Variants in PPP1R15B observed in about 807,000 individuals in gnomAD.
The protein encoded by PPP1R15B is protein phosphatase 1, regulatory (inhibitor) subunit 15B.
A neutral mutation model predicts 53.9 loss-of-function variants in PPP1R15B; 31 were observed. That is an observed-to-expected ratio of 0.58 (90% confidence interval 0.43 to 0.78). The LOEUF is 0.78. PPP1R15B is among the 30% of genes least tolerant of loss of function. PPP1R15B has a pLI of 0.00. For missense variants in PPP1R15B, 928 were observed against 849.6 expected, an observed-to-expected ratio of 1.09 and a Z score of -1.15; for synonymous variants, 345 against 329.1, an observed-to-expected ratio of 1.05 and a Z score of -0.52.
chr1:204,408,165 G>C (rs138790212), intron 1 of PPP1R15B, among the ~76,000 whole-genome samples: 1 of 152,308 alleles, frequency 6.6e-6, no homozygotes, highest in East Asian at 1.9e-4. Context: ...TTGAGGCCAT[G>C]AGAGTCAAGC....
chr1:204,403,840 T>C lies in PPP1R15B; in HGVS notation c.*2252A>G, dbSNP rs1221683290. ...AACTTTAAAATAGTCCTTTCTGTCC[T>C]TCTTATCACCTTCTGATCACTTCTT... On this transcript the variant is annotated 3_prime_UTR_variant, in exon 2 of 2. Transcript: ENST00000367188. The C allele has an allele frequency of 1.4e-5, 14 of 985,716 alleles. No individual in the cohort carries two copies. The highest frequency in any genetic ancestry group is 1.7e-5 in the Non-Finnish European group (14 of 829,930). 61.1% of individuals were successfully genotyped at this position (985,716 alleles called of 1,614,324 possible). A position where few individuals can be genotyped will look rare whatever the true frequency, so the allele number is the denominator to read the frequency against.
rs555377639 is a variant in PPP1R15B at position 204,409,681 on chromosome 1, T to C, written c.1731A>G (p.Thr577=). ...GACAGCCTTTCTCATTTTCCCCTGA[T>C]GTTTGAAAAGGAGCCTTAAAATTTA... ...NPLNFKAPFQ[T]SGENEKGCRD... The change falls in exon 1 of 2, where the codon ACA becomes ACG. Residue 577 remains threonine, a synonymous_variant. Coordinates refer to ENST00000367188, the MANE Select transcript of PPP1R15B (RefSeq NM_032833.5). The C allele has an allele frequency of 1.9e-6, 3 of 1,614,066 alleles. No homozygotes were observed. The African/African-American group carries it at 4.0e-5, about 22-fold the overall frequency.
At chr1:204,398,724 A>T (rs1674127921), downstream of PPP1R15B, among the ~76,000 whole-genome samples, 1 of 152,150 alleles carries the variant, frequency 6.6e-6, no homozygotes, top group Non-Finnish European at 1.5e-5. Flanking sequence ...ATGGAAGATA[A>T]CGCCATCTGG....
chr1:204,406,182 T>A lies in PPP1R15B; in HGVS notation c.2052A>T (p.Gly684=). The change falls in exon 2 of 2, where the codon GGA becomes GGT. Residue 684 remains glycine, a synonymous_variant. Transcript: ENST00000367188. ...KRIQETEDAI[G]YCLTFEHRER... ...CTCTGTGTTCAAATGTCAAGCAATA[T>A]CCAATAGCATCTTCTGTTTCTTGAA... 2 of 1,614,164 alleles carry A rather than the reference T, an allele frequency of 1.2e-6. No homozygotes were observed. The highest frequency in any genetic ancestry group is 1.7e-6 in the Non-Finnish European group (2 of 1,180,000).
In PPP1R15B at chr1:204,409,544, A is replaced by G. The variant is rs188612549; in HGVS notation, c.1868T>C (p.Val623Ala). The change falls in exon 1 of 2, where the codon GTA becomes GCA. Residue 623 changes from valine to alanine, a missense_variant. By Grantham distance (64) the Val-to-Ala change is moderately conservative. Coordinates refer to ENST00000367188, the MANE Select transcript of PPP1R15B (RefSeq NM_032833.5). ...TCCTCCAGAAAGAACGTCACGCTGT[A>G]CCGAGTCTGGACATTCACTTTCTTG... The part of the protein sequence containing the change: ...GSQESECPDS[V>A]QRDVLSGGRH... 45 of 1,614,162 alleles carry G rather than the reference A, an allele frequency of 2.8e-5. No homozygotes were observed. In the East Asian group the frequency reaches 6.9e-4, roughly 25 times the overall value.
Position 204,410,101 on chromosome 1 carries a change from C to T in PPP1R15B, c.1311G>A (p.Leu437=), listed in dbSNP as rs1674339140. The change falls in exon 1 of 2, where the codon CTG becomes CTA. Residue 437 remains leucine (L), a synonymous_variant. Transcript: ENST00000367188. The part of the protein sequence containing the change: ...DYILGGASSD[L]ETSSDPEGED... ...CACCTTCTGGATCAGAACTTGTTTC[C>T]AGGTCACTGGATGCACCTCCCAAAA... is the stretch of plus-strand genomic sequence containing the variant. 2 of 1,614,010 alleles carry T rather than the reference C, an allele frequency of 1.2e-6. No individual in the cohort carries two copies. The highest frequency in any genetic ancestry group is 1.3e-5 in the African/African-American group (1 of 74,920).
Position 204,404,616 on chromosome 1 carries a change from G to C in PPP1R15B, c.*1476C>G, listed in dbSNP as rs948951779. On this transcript the variant is annotated 3_prime_UTR_variant, in exon 2 of 2. Coordinates refer to ENST00000367188, the MANE Select transcript of PPP1R15B (RefSeq NM_032833.5). ...ACAGTGGAGGCAGTTCTTAGAACTGGATAGAAATAAAATAATGACCAGGTA... is the reference window on the plus strand; with the variant it reads ...ACAGTGGAGGCAGTTCTTAGAACTGCATAGAAATAAAATAATGACCAGGTA... 1 of 985,036 alleles carries C rather than the reference G, an allele frequency of 1.0e-6. No homozygotes were observed. The highest frequency in any genetic ancestry group is 1.2e-6 in the Non-Finnish European group (1 of 829,230). The allele number at this position is 985,036 out of a possible 1,614,324, so 61.0% of individuals were successfully genotyped here.
Position 204,411,344 on chromosome 1 carries a change from G to A in PPP1R15B, c.68C>T (p.Pro23Leu), listed in dbSNP as rs531959892. The A allele has an allele frequency of 6.2e-6, 10 of 1,614,072 alleles. No individual in the cohort carries two copies. The highest frequency in any genetic ancestry group is 4.0e-5 in the African/African-American group (3 of 75,076). ...GPRAGFRFWPPFFPRRSQAGS... is the reference protein window; with the variant it reads ...GPRAGFRFWPLFFPRRSQAGS... Reference sequence around the variant, plus strand: ...TGCTTGCGATCGCCGAGGGAAAAAGGGTGGCCAGAACCGGAAGCCCGCCCG... The same window carrying A: ...TGCTTGCGATCGCCGAGGGAAAAAGAGTGGCCAGAACCGGAAGCCCGCCCG... Residue 23 changes from proline to leucine, a missense_variant, in exon 1 of 2, where the codon CCC becomes CTC. Physicochemically the swap from Pro to Leu is moderately conservative, Grantham distance 98 (BLOSUM62 -3). Coordinates refer to ENST00000367188, the MANE Select transcript of PPP1R15B (RefSeq NM_032833.5).
Position 204,411,457 on chromosome 1 carries a change from G to T in PPP1R15B, c.-46C>A, listed in dbSNP as rs1402487524. The T allele has an allele frequency of 1.9e-6, 3 of 1,576,004 alleles. No individual in the cohort carries two copies. The highest frequency in any genetic ancestry group is 1.3e-5 in the African/African-American group (1 of 74,108). On this transcript the variant is annotated 5_prime_UTR_variant, in exon 1 of 2. Coordinates refer to ENST00000367188, the MANE Select transcript of PPP1R15B (RefSeq NM_032833.5). ...CTCAGGTAGGGCCGCGGCGCTCAGC[G>T]GCTGGAGGTCGACGGGATTCGGAGG... is the stretch of plus-strand genomic sequence containing the variant.
chr1:204,400,486 C>CTTTTTTTTTT (rs11442135), downstream of PPP1R15B, among the ~76,000 whole-genome samples: 1 of 143,424 alleles, frequency 7.0e-6, no homozygotes. Flanking sequence ...ATTTCTTTTT[C>CTTTTTTTTTT]TTTTTTTTTT....
Position 204,409,675 on chromosome 1 carries a change from C to T in PPP1R15B, c.1737G>A (p.Gly579=). The change falls in exon 1 of 2, where the codon GGG becomes GGA. Residue 579 remains glycine, a synonymous_variant. Transcript: ENST00000367188. The part of the protein sequence containing the change: ...LNFKAPFQTS[G]ENEKGCRDSK... Reference sequence around the variant, plus strand: ...AGTCACGACAGCCTTTCTCATTTTCCCCTGATGTTTGAAAAGGAGCCTTAA... The same window carrying T: ...AGTCACGACAGCCTTTCTCATTTTCTCCTGATGTTTGAAAAGGAGCCTTAA... The T allele has an allele frequency of 6.2e-7, 1 of 1,614,072 alleles. No individual in the cohort carries two copies. Among genetic ancestry groups the T allele is most frequent in the Non-Finnish European group, 8.5e-7 (1 of 1,180,012 alleles).
At chr1:204,396,997 G>A (rs894923373), downstream of PPP1R15B, among the ~76,000 whole-genome samples, 4 of 152,000 alleles carry the variant, frequency 2.6e-5, no homozygotes, top group Non-Finnish European at 4.4e-5. Flanking sequence ...AGACCAGCCT[G>A]GGCAATATAG....
At position 204,403,769 on chromosome 1, in the gene PPP1R15B, T is replaced by C; in HGVS notation, c.*2323A>G. 4.1e-6 allele frequency: 4 copies of C among 985,632 alleles called. No homozygotes were observed. Among genetic ancestry groups the C allele is most frequent in the South Asian group, 4.7e-5 (1 of 21,280 alleles). 61.1% of individuals were successfully genotyped at this position (985,632 alleles called of 1,614,324 possible). A position where few individuals can be genotyped will look rare whatever the true frequency, so the allele number is the denominator to read the frequency against. ...TACGGGGGTTTAACTTTGTTCTAAC[T>C]AGAATTGGGATGAAACAAGAATTTT... On this transcript the variant is annotated 3_prime_UTR_variant, in exon 2 of 2. Coordinates refer to ENST00000367188, the MANE Select transcript of PPP1R15B (RefSeq NM_032833.5).
chr1:204,405,574 A>T lies in PPP1R15B; in HGVS notation c.*518T>A. On this transcript the variant is annotated 3_prime_UTR_variant, in exon 2 of 2. Transcript: ENST00000367188. The stretch of plus-strand genomic sequence containing the variant: ...AATGCACTTTAAGTTGGTAGCATAC[A>T]CAAGGTTATTTTTTAGCCTAACATA... 5.1e-6 allele frequency: 5 copies of T among 980,994 alleles called. No homozygotes were observed. The highest frequency in any genetic ancestry group is 6.1e-6 in the Non-Finnish European group (5 of 825,924). 60.8% of individuals were successfully genotyped at this position (980,994 alleles called of 1,614,324 possible). A position where few individuals can be genotyped will look rare whatever the true frequency, so the allele number is the denominator to read the frequency against.
downstream of PPP1R15B, among the ~76,000 whole-genome samples, chr1:204,400,236 C>A (rs74553379): frequency 0.015 from 1,883 of 122,428 alleles, no homozygotes; most frequent in Admixed American, 0.019. Flanking sequence ...GACACTGTCT[C>A]AAAAAAAAAA....
rs1674246001 is a variant in PPP1R15B, at chr1:204,405,313, A to G, written c.*779T>C. The G allele has an allele frequency of 1.1e-5, 11 of 979,724 alleles. No homozygotes were observed. The highest frequency in any genetic ancestry group is 1.3e-5 in the Non-Finnish European group (11 of 824,680). 60.7% of individuals were successfully genotyped at this position (979,724 alleles called of 1,614,324 possible). On this transcript the variant is annotated 3_prime_UTR_variant, in exon 2 of 2. Coordinates refer to ENST00000367188, the MANE Select transcript of PPP1R15B (RefSeq NM_032833.5). The stretch of plus-strand genomic sequence containing the variant: ...CCTGTTAAGAGATACAAAGAACTAT[A>G]TTAAACTGGGAACTACAATAACGTA...
At position 204,410,889 on chromosome 1, in the gene PPP1R15B, G is replaced by A. The variant is rs1482631428; in HGVS notation, c.523C>T (p.Leu175Phe). The A allele has an allele frequency of 6.2e-7, 1 of 1,614,030 alleles. No homozygotes were observed. Among genetic ancestry groups the A allele is most frequent in the African/African-American group, 1.3e-5 (1 of 74,932 alleles). The change falls in exon 1 of 2, where the codon CTC becomes TTC. Residue 175 changes from leucine to phenylalanine, a missense_variant. Leu to Phe is a conservative substitution (Grantham distance 22, BLOSUM62 0). Coordinates refer to ENST00000367188, the MANE Select transcript of PPP1R15B (RefSeq NM_032833.5). ...SALDPAAQAF[L>F]LEQQLWGVEL... ...ACTCCCCACAGCTGCTGCTCTAAGAGAAAAGCCTGTGCTGCAGGGTCCAAA... is the reference window on the plus strand; with the variant it reads ...ACTCCCCACAGCTGCTGCTCTAAGAAAAAAGCCTGTGCTGCAGGGTCCAAA...
downstream of PPP1R15B, among the ~76,000 whole-genome samples, chr1:204,399,862 TA>T (rs1456709657): frequency 1.3e-5 from 2 of 152,166 alleles, no homozygotes; most frequent in African/African-American, 4.8e-5. Flanking sequence ...AATGCGGTCT[TA>T]AAAACACCCA....
chr1:204,396,858 A>G (rs1182278483), downstream of PPP1R15B, among the ~76,000 whole-genome samples: 2 of 152,224 alleles, frequency 1.3e-5, no homozygotes, highest in Non-Finnish European at 2.9e-5. Context: ...CAAGAGATCT[A>G]CTGTACGACA....
Sources: allele counts gnomAD v4.1 joint callset (sites outside exome capture counted in the v4.1 genomes callset), GRCh38; gene constraint gnomAD v4.1.1; transcripts MANE v1.5; gene names NCBI Gene and HGNC (gene_info 2026-07-23, HGNC 2026-07-21).